The following DCC variants were observed in gnomAD, a reference collection of about 807,000 sequenced individuals.
DCC encodes the protein DCC netrin 1 receptor.
Under a neutral mutation model 172.5 loss-of-function variants are expected in DCC, and 58 were observed. That is an observed-to-expected ratio of 0.34 (90% CI 0.27 to 0.42). The LOEUF is 0.42. Ranked by LOEUF, DCC falls within the 10% of genes least tolerant of loss-of-function variation. The pLI is 1.00. For synonymous variants in DCC, 709 were observed against 644.5 expected (o/e 1.10, Z -1.52); for missense variants, 1,740 against 1,791.0 (o/e 0.97, Z 0.51).
At chr18:53,049,984 A>G (rs764970040) in intron 5 of DCC, among the ~76,000 whole-genome samples, 4 of 152,122 alleles carry the variant, frequency 2.6e-5, no homozygotes, top group Non-Finnish European at 5.9e-5. Context: ...CCAACTTTGT[A>G]GCCTTCAGTC....
chr18:52,513,637 AT>A lies in DCC; in HGVS notation c.91+172760del, dbSNP rs1368326032. ...AAGAAACTTAATCAACAGCTAATAGATGAGTCAGAATGCAAACCAAGGTCTT... is the reference window on the plus strand; with the variant it reads ...AAGAAACTTAATCAACAGCTAATAGAGAGTCAGAATGCAAACCAAGGTCTT... On this transcript the variant is annotated intron_variant, in intron 1 of 28. Transcript: ENST00000442544. 2.0e-5 allele frequency among the ~76,000 whole-genome samples: 3 copies of A among 152,278 alleles called. No individual in the cohort carries two copies. The East Asian group carries it at 5.8e-4, about 29-fold the overall frequency.
At chr18:52,640,231 TGACAAACTC>T (rs1274641721) in intron 1 of DCC, among the ~76,000 whole-genome samples, 1 of 152,152 alleles carries the variant, frequency 6.6e-6, no homozygotes, top group African/African-American at 2.4e-5. Context: ...AAGCCATCAA[TGACAAACTC>T]CCAGCCAACA....
At chr18:52,736,667 C>T (rs898046517) in intron 1 of DCC, among the ~76,000 whole-genome samples, 5 of 152,016 alleles carry the variant, frequency 3.3e-5, no homozygotes, top group Non-Finnish European at 7.4e-5. Flanking sequence ...AATTACAATC[C>T]TAGTACATAT....
intron 12 of DCC, among the ~76,000 whole-genome samples, chr18:53,219,866 A>T (rs1455588399): frequency 6.6e-6 from 1 of 152,156 alleles, no homozygotes; most frequent in Non-Finnish European, 1.5e-5. Flanking sequence ...CAAACTGATC[A>T]TTTTTAACAG....
At chr18:53,156,676 CTCT>C (rs1464418541) in intron 7 of DCC, among the ~76,000 whole-genome samples, 2 of 152,112 alleles carry the variant, frequency 1.3e-5, no homozygotes, top group African/African-American at 4.8e-5. Flanking sequence ...GCCCTCTTAG[CTCT>C]TCTTAGAACT....
intron 5 of DCC, among the ~76,000 whole-genome samples, chr18:52,965,935 G>A (rs1162893811): frequency 6.6e-6 from 1 of 152,044 alleles, no homozygotes; most frequent in Non-Finnish European, 1.5e-5. Flanking sequence ...ATTAATATGA[G>A]AGCCAGGAAA....
intron 1 of DCC, among the ~76,000 whole-genome samples, chr18:52,418,858 C>CTTTTTTTTTTTTTTT (rs11313758): frequency 3.2e-5 from 3 of 93,010 alleles, no homozygotes; most frequent in African/African-American, 4.6e-5. Flanking sequence ...TTCTTTCTTT[C>CTTTTTTTTTTTTTTT]TTTTTTTTTT....
rs1335950382 is a variant in DCC, at chr18:53,205,392, TC to T, written c.1722+30del. 3.1e-6 allele frequency: 5 copies of T among 1,610,716 alleles called. No individual in the cohort carries two copies. The Admixed American group carries it at 6.7e-5, about 21-fold the overall frequency. ...AGGTGAAGGAATGGACCACACTGCTTCCATCTGTTGGATGTTTCCATCCATT... is the reference window on the plus strand; with the variant it reads ...AGGTGAAGGAATGGACCACACTGCTTCATCTGTTGGATGTTTCCATCCATT... On this transcript the variant is annotated intron_variant, in intron 10 of 28. Coordinates refer to ENST00000442544, the MANE Select transcript of DCC (RefSeq NM_005215.4).
intron 1 of DCC, among the ~76,000 whole-genome samples, chr18:52,495,739 T>G (rs545586909): frequency 6.6e-6 from 1 of 151,374 alleles, no homozygotes; most frequent in Admixed American, 6.6e-5. Context: ...TGGCTGCATT[T>G]TTTATTTATT....
intron 26 of DCC, among the ~76,000 whole-genome samples, chr18:53,497,355 G>T (rs533064407): frequency 6.6e-6 from 1 of 152,188 alleles, no homozygotes; most frequent in African/African-American, 2.4e-5. Context: ...CCTAAGCAAT[G>T]CCTGCAATCT....
intron 27 of DCC, among the ~76,000 whole-genome samples, chr18:53,512,573 G>C (rs1219378931): frequency 2.7e-5 from 4 of 149,166 alleles, no homozygotes; most frequent in Non-Finnish European, 6.0e-5. Flanking sequence ...AAAAAATTTA[G>C]AAGAATGTAT....
chr18:52,990,535 C>A (rs1435903791), intron 5 of DCC, among the ~76,000 whole-genome samples: 2 of 53,622 alleles, frequency 3.7e-5, no homozygotes, highest in African/African-American at 7.7e-5. Context: ...AGCAAAACTC[C>A]ATCCCAAAAA....
At chr18:52,887,166 T>C (rs549846987) in intron 2 of DCC, among the ~76,000 whole-genome samples, 2 of 152,310 alleles carry the variant, frequency 1.3e-5, no homozygotes, top group East Asian at 3.9e-4. Flanking sequence ...AGTGCTGAAT[T>C]TGATCACTAA....
intron 2 of DCC, among the ~76,000 whole-genome samples, chr18:52,806,295 T>G (rs562106666): frequency 5.9e-5 from 9 of 152,338 alleles, no homozygotes; most frequent in African/African-American, 2.2e-4. Flanking sequence ...AGTAGTGATA[T>G]TTTTGTTAAA....
intron 1 of DCC, among the ~76,000 whole-genome samples, chr18:52,653,840 T>C (rs2035191527): frequency 1.3e-5 from 2 of 152,208 alleles, no homozygotes; most frequent in Admixed American, 1.3e-4. Context: ...TGCTTCACTT[T>C]TGTTGCCCAG....
At chr18:53,420,477 A>G (rs150626945) in intron 21 of DCC, among the ~76,000 whole-genome samples, 2 of 152,228 alleles carry the variant, frequency 1.3e-5, no homozygotes, top group East Asian at 3.9e-4. Context: ...AACGCTATAT[A>G]CTGGGTGGGT....
Position 53,271,153 on chromosome 18 carries a change from G to T in DCC, c.1912-34425G>T, listed in dbSNP as rs202112402. 2.6e-5 allele frequency among the ~76,000 whole-genome samples: 4 copies of T among 152,042 alleles called. No homozygotes were observed. In the East Asian group the frequency reaches 7.7e-4, roughly 29 times the overall value. ...AGCCTATATAATACTAGAGTGTTTT[G>T]GTTAATAAGTAGGAGCACTTTCTTT... On this transcript the variant is annotated intron_variant, in intron 12 of 28. Coordinates refer to ENST00000442544, the MANE Select transcript of DCC (RefSeq NM_005215.4).
intron 1 of DCC, among the ~76,000 whole-genome samples, chr18:52,528,219 A>C (rs2032040860): frequency 6.6e-6 from 1 of 152,192 alleles, no homozygotes; most frequent in African/African-American, 2.4e-5. Context: ...CCAGTATCTC[A>C]TTAGCTTTTC....
At chr18:52,820,309 C>T (rs993333022) in intron 2 of DCC, among the ~76,000 whole-genome samples, 6 of 152,162 alleles carry the variant, frequency 3.9e-5, no homozygotes, top group South Asian at 2.1e-4. Flanking sequence ...AAAGAAAAAA[C>T]GATGAAAATG....
Sources: allele counts gnomAD v4.1 joint callset (sites outside exome capture counted in the v4.1 genomes callset), GRCh38; gene constraint gnomAD v4.1.1; transcripts MANE v1.5; gene names NCBI Gene and HGNC (gene_info 2026-07-23, HGNC 2026-07-21).